The following CMIP variants were observed in gnomAD, a reference collection of about 807,000 sequenced individuals.
CMIP encodes c-Maf inducing protein.
CMIP carries 13 observed loss-of-function variants against 97.3 expected under a neutral mutation model. The observed-to-expected ratio is 0.13, with a 90% confidence interval of 0.09 to 0.21. The LOEUF is 0.21. Among genes scored for constraint, CMIP ranks in the 10% least tolerant of loss-of-function variants. The pLI, the probability that CMIP is intolerant of heterozygous loss-of-function variation, is 1.00. For synonymous variants in CMIP, 538 were observed against 436.3 expected, an observed-to-expected ratio of 1.23 and a Z score of -2.91; for missense variants, 847 against 1,024.9, an observed-to-expected ratio of 0.83 and a Z score of 2.37.
intron 10 of CMIP, among the ~76,000 whole-genome samples, chr16:81,687,045 C>G (rs1313243309): frequency 6.6e-6 from 1 of 152,186 alleles, no homozygotes; most frequent in Admixed American, 6.5e-5. Context: ...AAGCCAGGAT[C>G]GAAGTCAGCA....
intron 1 of CMIP, among the ~76,000 whole-genome samples, chr16:81,532,415 A>G (rs1185361716): frequency 6.6e-6 from 1 of 152,108 alleles, no homozygotes; most frequent in African/African-American, 2.4e-5. Flanking sequence ...TTCCTGAATG[A>G]CCTTTCCTGC....
chr16:81,567,328 AG>A (rs1312812690), intron 1 of CMIP, among the ~76,000 whole-genome samples: 1 of 152,262 alleles, frequency 6.6e-6, no homozygotes, highest in Non-Finnish European at 1.5e-5. Flanking sequence ...CCGCTGCTAC[AG>A]GGCGGAATCC....
At chr16:81,606,660 C>G (rs2091749278) in intron 1 of CMIP, among the ~76,000 whole-genome samples, 1 of 151,984 alleles carries the variant, frequency 6.6e-6, no homozygotes, top group Non-Finnish European at 1.5e-5. Context: ...GAGTGGGAAC[C>G]AAGACAGACC....
At chr16:81,560,789 C>T (rs772986764) in intron 1 of CMIP, among the ~76,000 whole-genome samples, 6 of 152,148 alleles carry the variant, frequency 3.9e-5, no homozygotes, top group Admixed American at 3.9e-4. Context: ...CTACAGCTAC[C>T]TACAGTATTC....
At chr16:81,647,592 C>G (rs1183285390) in intron 3 of CMIP, among the ~76,000 whole-genome samples, 1 of 152,124 alleles carries the variant, frequency 6.6e-6, no homozygotes, top group Non-Finnish European at 1.5e-5. Flanking sequence ...AGACAAACCA[C>G]CAGGCCACCC....
chr16:81,581,377 G>A (rs1039308578), intron 1 of CMIP, among the ~76,000 whole-genome samples: 12 of 152,130 alleles, frequency 7.9e-5, no homozygotes, highest in Non-Finnish European at 1.8e-4. Flanking sequence ...CCTCACACCT[G>A]GGCTGTGAGG....
At chr16:81,548,999 C>G (rs970959653) in intron 1 of CMIP, among the ~76,000 whole-genome samples, 3 of 152,244 alleles carry the variant, frequency 2.0e-5, no homozygotes, top group Admixed American at 2.0e-4. Flanking sequence ...ACCATTGGTG[C>G]TGAGGTTTGA....
chr16:81,549,425 G>A (rs1190956254), intron 1 of CMIP, among the ~76,000 whole-genome samples: 1 of 152,188 alleles, frequency 6.6e-6, no homozygotes, highest in Non-Finnish European at 1.5e-5. Flanking sequence ...GAGGGCCGTT[G>A]GGAAATTCTC....
At chr16:81,568,043 T>G (rs74029187) in intron 1 of CMIP, among the ~76,000 whole-genome samples, 178 of 51,752 alleles carry the variant, frequency 3.4e-3, no homozygotes, top group African/African-American at 8.2e-3. Flanking sequence ...GTGTGTGTTT[T>G]TTTTTTTTTT....
intron 1 of CMIP, among the ~76,000 whole-genome samples, chr16:81,447,162 GC>G (rs1199772489): frequency 6.6e-6 from 1 of 152,006 alleles, no homozygotes; most frequent in Non-Finnish European, 1.5e-5. Context: ...TGACCGCGGT[GC>G]CCCCTGCCTG....
chr16:81,490,685 A>G (rs2089391434), intron 1 of CMIP, among the ~76,000 whole-genome samples: 2 of 152,310 alleles, frequency 1.3e-5, no homozygotes, highest in Admixed American at 6.5e-5. Flanking sequence ...AGACCCACAC[A>G]GGGCAAAGGG....
chr16:81,501,994 T>G (rs1450688191), intron 1 of CMIP, among the ~76,000 whole-genome samples: 1 of 152,188 alleles, frequency 6.6e-6, no homozygotes. Flanking sequence ...GAGGACTTTT[T>G]TATTCAGTCA....
intron 3 of CMIP, among the ~76,000 whole-genome samples, chr16:81,632,782 C>T (rs964647076): frequency 8.5e-5 from 13 of 152,208 alleles, no homozygotes; most frequent in East Asian, 1.9e-4. Context: ...CCTGGGTCAC[C>T]GAGCCTTCCC....
chr16:81,647,668 G>T (rs1412214689), intron 3 of CMIP, among the ~76,000 whole-genome samples: 1 of 152,076 alleles, frequency 6.6e-6, no homozygotes, highest in East Asian at 1.9e-4. Context: ...AGCCTCCAGG[G>T]AGCCTGGAGC....
In CMIP at chr16:81,652,119, C is replaced by A; in HGVS notation, c.478-84C>A. On this transcript the variant is annotated intron_variant, in intron 3 of 20. Transcript: ENST00000537098. The surrounding 1 kb of genome is among the most constrained non-coding windows in gnomAD (Gnocchi z 5.2). ...TTTCTCAGGGCCCTTTACACCCTAA[C>A]CCATCTGATTCTTTGATTGTCTTCC... 1 of 1,143,708 alleles carries A rather than the reference C, an allele frequency of 8.7e-7. No individual in the cohort carries two copies. The allele number at this position is 1,143,708 out of a possible 1,614,324, so 70.8% of individuals were successfully genotyped here.
At chr16:81,650,405 G>A (rs2092413918) in intron 3 of CMIP, among the ~76,000 whole-genome samples, 1 of 152,172 alleles carries the variant, frequency 6.6e-6, no homozygotes, top group African/African-American at 2.4e-5. Context: ...CAGGTGGGTA[G>A]ATGAAAGAAC....
At chr16:81,504,641 C>CAAAAAAAAAAAAAAAAAAAA (rs149715666) in intron 1 of CMIP, among the ~76,000 whole-genome samples, 65 of 71,900 alleles carry the variant, frequency 9.0e-4, no homozygotes, top group Non-Finnish European at 1.2e-3. Flanking sequence ...AGACTCGTCT[C>CAAAAAAAAAAAAAAAAAAAA]AAAAAAAAAA....
intron 1 of CMIP, among the ~76,000 whole-genome samples, chr16:81,472,522 G>C (rs1046995145): frequency 6.6e-6 from 1 of 152,224 alleles, no homozygotes; most frequent in Non-Finnish European, 1.5e-5. Context: ...TGACACCGTT[G>C]AGTGTCAGCT....
intron 1 of CMIP, chr16:81,519,129 G>C (rs961736169): frequency 6.6e-6 from 1 of 152,104 alleles, no homozygotes; most frequent in Non-Finnish European, 1.5e-5. Flanking sequence ...CACTGTACCC[G>C]GCCTCAAAAT....
Sources: gnomAD v4.1 joint callset for allele counts (sites outside exome capture counted in the v4.1 genomes callset) on GRCh38, gnomAD v4.1.1 for gene constraint, Gnocchi (gnomAD v3.1) non-coding constraint, MANE v1.5 for transcripts, NCBI Gene and HGNC (gene_info 2026-07-23, HGNC 2026-07-21) for gene names.